CYFIP2: variants seen among roughly 807,000 people sequenced by gnomAD.
The protein encoded by CYFIP2 is cytoplasmic FMR1-interacting protein 2.
Under a neutral mutation model 158.7 loss-of-function variants are expected in CYFIP2, and 29 were observed. The ratio of observed to expected loss-of-function variants is 0.18; its 90% CI spans 0.14 to 0.25. The LOEUF (loss-of-function observed/expected upper bound fraction) is 0.25, where lower values mean the gene tolerates loss of function less well. CYFIP2 is among the 10% of genes least tolerant of loss of function. The pLI, the probability that CYFIP2 is intolerant of heterozygous loss-of-function variation, is 1.00. For missense variants in CYFIP2, 852 were observed against 1,639.5 expected (o/e 0.52, Z 8.29); for synonymous variants, 585 against 617.6 (o/e 0.95, Z 0.78).
At chr5:157,389,520 A>AG (rs201199290) in intron 29 of CYFIP2, 93 bp downstream of exon 29, 12 of 1,196,318 alleles carry the variant, frequency 1.0e-5, no homozygotes, top group Non-Finnish European at 1.4e-5. Flanking sequence ...AAACGTGGGC[A>AG]GGGGGTGGGG....
chr5:157,373,765 GAGA>G (rs1166061435), intron 26 of CYFIP2, among the ~76,000 whole-genome samples: 2 of 152,184 alleles, frequency 1.3e-5, no homozygotes, highest in African/African-American at 4.8e-5. Flanking sequence ...GGTATGTGCA[GAGA>G]AGAACTGGGC....
chr5:157,370,125 C>T (rs957637079), intron 26 of CYFIP2, among the ~76,000 whole-genome samples: 4 of 152,032 alleles, frequency 2.6e-5, no homozygotes, highest in African/African-American at 7.3e-5. Flanking sequence ...GTGATCCATG[C>T]GCCTCAGCCT....
intron 23 of CYFIP2, among the ~76,000 whole-genome samples, chr5:157,346,453 GAA>G (rs1561751490): frequency 1.3e-5 from 2 of 152,122 alleles, no homozygotes; most frequent in African/African-American, 4.8e-5. Context: ...CTTTGTAAGA[GAA>G]AAGACAGAGA....
chr5:157,339,131 C>T lies in CYFIP2; in HGVS notation c.2460C>T (p.Phe820=), dbSNP rs761084028. 41 of 1,613,902 alleles carry T rather than the reference C, an allele frequency of 2.5e-5. No homozygotes were observed. The highest frequency in any genetic ancestry group is 2.9e-5 in the Non-Finnish European group (34 of 1,179,896). The stretch of plus-strand genomic sequence containing the variant: ...GTAAGCATATGACGCTGGACAGCTT[C>T]GATGCCATGTTCCGAGAGGCCAATC... ...LLCKHMTLDS[F]DAMFREANHN... The change falls in exon 22 of 31, where the codon TTC becomes TTT. Residue 820 remains phenylalanine (F), a synonymous_variant. Transcript: ENST00000620254.
At chr5:157,390,479 C>G in intron 29 of CYFIP2, 42 bp from the exon 30 acceptor site, 1 of 1,523,334 alleles carries the variant, frequency 6.6e-7, no homozygotes, top group African/African-American at 1.4e-5. Context: ...TGCCCTCCTC[C>G]CCCGACCTCT....
chr5:157,318,799 G>C (rs1046464953), intron 13 of CYFIP2, among the ~76,000 whole-genome samples: 2 of 152,204 alleles, frequency 1.3e-5, no homozygotes, highest in African/African-American at 4.8e-5. Context: ...CTGTGTGGCA[G>C]TTGTGAGGTG....
intron 26 of CYFIP2, among the ~76,000 whole-genome samples, chr5:157,368,551 T>G (rs1764653219): frequency 6.6e-6 from 1 of 152,238 alleles, no homozygotes; most frequent in Non-Finnish European, 1.5e-5. Flanking sequence ...AGACACAGAT[T>G]ATGTTTTTGG....
chr5:157,304,112 C>A (rs1157077777), intron 7 of CYFIP2, 126 bp from the exon 8 acceptor site: 1 of 1,257,966 alleles, frequency 7.9e-7, no homozygotes. Flanking sequence ...AGCCTCGCCT[C>A]CCTGGAGCTG....
chr5:157,319,724 GAC>G (rs1197862695), intron 13 of CYFIP2, 36 bp from the exon 14 acceptor site: 3 of 1,608,714 alleles, frequency 1.9e-6, no homozygotes, highest in Non-Finnish European at 2.5e-6. Context: ...TGGTGTGCTG[GAC>G]ATGGTGAACA....
chr5:157,369,900 A>ATTTTTTTTTTTTTG (rs1764828621), intron 26 of CYFIP2, among the ~76,000 whole-genome samples: 1 of 38,518 alleles, frequency 2.6e-5, no homozygotes, highest in African/African-American at 1.4e-4. Flanking sequence ...TTTTTTTTTA[A>ATTTTTTTTTTTTTG]AGACAGAGTC....
chr5:157,322,860 C>T (rs992022603), intron 15 of CYFIP2: 11 of 1,339,482 alleles, frequency 8.2e-6, no homozygotes, highest in Non-Finnish European at 1.0e-5. Flanking sequence ...TTTTCTCTCT[C>T]TCTCTCTCTT....
intron 30 of CYFIP2, among the ~76,000 whole-genome samples, chr5:157,392,417 G>A (rs1052125367): frequency 5.3e-5 from 8 of 152,172 alleles, no homozygotes; most frequent in Admixed American, 3.9e-4. Context: ...TATAAGGTAA[G>A]CGTCCATTGT....
chr5:157,378,369 T>C (rs144517606), intron 26 of CYFIP2, among the ~76,000 whole-genome samples: 247 of 152,334 alleles, frequency 1.6e-3, no homozygotes, highest in African/African-American at 5.6e-3. Context: ...AGAATGTTAG[T>C]TGCTATAACC....
rs530666349 is a variant in CYFIP2, at chr5:157,311,640, C to G, written c.993-24C>G. The G allele has an allele frequency of 9.5e-6, 15 of 1,578,788 alleles. No homozygotes were observed. The South Asian group carries it at 1.3e-4, about 13-fold the overall frequency. The stretch of plus-strand genomic sequence containing the variant: ...CAGGCGCCTGAGGCTGGGACCCTCT[C>G]CGACCCCATAATTTTCTACCCAGGT... On this transcript the variant is annotated intron_variant, in intron 10 of 30. Coordinates refer to ENST00000620254, the MANE Select transcript of CYFIP2 (RefSeq NM_001037333.3). This position sits in a 1 kb window ranked among gnomAD's most constrained non-coding sequence, Gnocchi z 4.7.
At chr5:157,328,706 C>T (rs1235391979) in intron 19 of CYFIP2, among the ~76,000 whole-genome samples, 1 of 152,208 alleles carries the variant, frequency 6.6e-6, no homozygotes, top group East Asian at 1.9e-4. Context: ...AAAGTACAAC[C>T]GTGACCCGAT....
intron 23 of CYFIP2, among the ~76,000 whole-genome samples, 162 bp from the exon 24 acceptor site, chr5:157,358,843 C>T (rs1270123109): frequency 1.3e-5 from 2 of 152,160 alleles, no homozygotes; most frequent in African/African-American, 4.8e-5. Context: ...CTGACCACAC[C>T]TCTCTCTATG....
At chr5:157,328,282 A>G (rs1285687925) in intron 19 of CYFIP2, among the ~76,000 whole-genome samples, 1 of 152,254 alleles carries the variant, frequency 6.6e-6, no homozygotes, top group Non-Finnish European at 1.5e-5. Context: ...AAGCCGATGA[A>G]TGCACAGTGA....
chr5:157,358,244 G>T (rs1210907005), intron 23 of CYFIP2, among the ~76,000 whole-genome samples: 4 of 152,270 alleles, frequency 2.6e-5, no homozygotes, highest in Non-Finnish European at 5.9e-5. Flanking sequence ...ATCTTAAAGA[G>T]ATCCTTCAAA....
chr5:157,287,211 AC>A lies in CYFIP2; in HGVS notation c.207+108del, dbSNP rs933048695. On this transcript the variant is annotated intron_variant, in intron 3 of 30. Coordinates refer to ENST00000620254, the MANE Select transcript of CYFIP2 (RefSeq NM_001037333.3). ...AGGCATGTGCTCAGCTACTCTAAGA[AC>A]CCCCTGCCTCAGTCAGAATCATCTG... is the stretch of plus-strand genomic sequence containing the variant. 70 of 831,464 alleles carry A rather than the reference AC, an allele frequency of 8.4e-5. No individual in the cohort carries two copies. In the African/African-American group the frequency reaches 1.1e-3, roughly 13 times the overall value. 51.5% of individuals were successfully genotyped at this position (831,464 alleles called of 1,614,324 possible). A position where few individuals can be genotyped will look rare whatever the true frequency, so the allele number is the denominator to read the frequency against.
Sources: allele counts gnomAD v4.1 joint callset (sites outside exome capture counted in the v4.1 genomes callset), GRCh38; gene constraint gnomAD v4.1.1; non-coding constraint Gnocchi (gnomAD v3.1); transcripts MANE v1.5; gene names NCBI Gene and HGNC (gene_info 2026-07-23, HGNC 2026-07-21).